Variants in RSPH14 observed in about 807,000 individuals in gnomAD.
RSPH14 encodes the protein radial spoke head 14 homolog.
In RSPH14, 20 loss-of-function variants were observed where a neutral mutation model predicts 26.7. The observed-to-expected ratio is 0.75, with a 90% CI of 0.53 to 1.09. RSPH14 has a LOEUF of 1.09. Ranked by LOEUF, RSPH14 falls within the 50% of genes least tolerant of loss-of-function variation. The pLI is 0.00. For synonymous variants in RSPH14, 177 were observed against 189.3 expected, an observed-to-expected ratio of 0.93 and a Z score of 0.53; for missense variants, 449 against 457.2, an observed-to-expected ratio of 0.98 and a Z score of 0.16.
At chr22:23,123,995 G>C (rs1165712678) in intron 4 of RSPH14, 1 of 213,388 alleles carries the variant, frequency 4.7e-6, no homozygotes, top group African/African-American at 2.4e-5. Flanking sequence ...GGGACCTTAG[G>C]AGCCGGGTGA....
At chr22:23,170,926 C>A in the RSPH14 span, among the ~76,000 whole-genome samples, 1 of 152,058 alleles carries the variant, frequency 6.6e-6, no homozygotes, top group Non-Finnish European at 1.5e-5. Flanking sequence ...GGCACAATCC[C>A]ACTACTGATT....
Position 23,063,934 on chromosome 22 carries a change from G to A in RSPH14, c.621C>T (p.Arg207=), listed in dbSNP as rs140603385. The A allele has an allele frequency of 1.9e-6, 3 of 1,614,184 alleles. No homozygotes were observed. The highest frequency in any genetic ancestry group is 1.7e-6 in the Non-Finnish European group (2 of 1,180,008). The change falls in exon 5 of 7, where the codon CGC becomes CGT. Residue 207 remains arginine (R), a synonymous_variant. Coordinates refer to ENST00000216036, the MANE Select transcript of RSPH14 (RefSeq NM_014433.3). ...TAAGGAGCGCACGGGCGGCCTTGCTGCGGATGTTCTGGTTGGCGCTGAGGA... is the reference window on the plus strand; with the variant it reads ...TAAGGAGCGCACGGGCGGCCTTGCTACGGATGTTCTGGTTGGCGCTGAGGA... The part of the protein sequence containing the change: ...QKLLSANQNI[R]SKAARALLNV...
At chr22:23,089,448 T>G (rs1194194804) in intron 4 of RSPH14, among the ~76,000 whole-genome samples, 1 of 152,112 alleles carries the variant, frequency 6.6e-6, no homozygotes, top group African/African-American at 2.4e-5. Flanking sequence ...TTGCCCCAGC[T>G]CTATGCCTAG....
the RSPH14 span, among the ~76,000 whole-genome samples, chr22:23,168,568 C>T: frequency 6.6e-6 from 1 of 152,206 alleles, no homozygotes; most frequent in Non-Finnish European, 1.5e-5. Flanking sequence ...AGTTCCCAGG[C>T]TCCTCTGCCA....
upstream of RSPH14, among the ~76,000 whole-genome samples, chr22:23,144,053 A>T (rs2070657380): frequency 7.2e-6 from 1 of 139,244 alleles, no homozygotes; most frequent in South Asian, 2.4e-4. Flanking sequence ...AGATCACACT[A>T]CTGCACTCCA....
chr22:23,116,969 C>T (rs2069858575), intron 4 of RSPH14, among the ~76,000 whole-genome samples: 1 of 152,188 alleles, frequency 6.6e-6, no homozygotes, highest in Non-Finnish European at 1.5e-5. Flanking sequence ...CCCATGAGCT[C>T]TCAGACCAGC....
At chr22:23,168,164 G>A in the RSPH14 span, among the ~76,000 whole-genome samples, 9 of 152,214 alleles carry the variant, frequency 5.9e-5, no homozygotes, top group Middle Eastern at 3.4e-3. Context: ...CAGCCCACAC[G>A]GCAGATGCCA....
the RSPH14 span, among the ~76,000 whole-genome samples, chr22:23,178,415 C>A: frequency 1.3e-3 from 165 of 128,872 alleles, no homozygotes; most frequent in Admixed American, 1.1e-3. Flanking sequence ...GACTCCGTCT[C>A]AAAAAAAAAA....
chr22:23,149,750 G>A (rs902021840), upstream of RSPH14, among the ~76,000 whole-genome samples: 3 of 152,166 alleles, frequency 2.0e-5, no homozygotes, highest in Non-Finnish European at 2.9e-5. Context: ...CACTCGTCTC[G>A]CCCTGAGAGG....
chr22:23,121,024 G>A (rs2070010551), intron 4 of RSPH14, among the ~76,000 whole-genome samples: 1 of 152,140 alleles, frequency 6.6e-6, no homozygotes, highest in Admixed American at 6.5e-5. Flanking sequence ...ATCCATTAGA[G>A]CTAATTACTC....
intron 4 of RSPH14, chr22:23,095,745 G>A (rs898310493): frequency 2.5e-6 from 4 of 1,612,502 alleles, no homozygotes; most frequent in Non-Finnish European, 2.5e-6. Context: ...CGGCGGTCCC[G>A]GAGAATTGAC....
chr22:23,163,904 C>T, the RSPH14 span: 1 of 152,260 alleles, frequency 6.6e-6, no homozygotes, highest in Non-Finnish European at 1.5e-5. Context: ...GTAGCAGCGC[C>T]CAGTTTTCAT....
chr22:23,100,286 G>A (rs1051140241), intron 4 of RSPH14, among the ~76,000 whole-genome samples: 1 of 152,232 alleles, frequency 6.6e-6, no homozygotes, highest in Admixed American at 6.5e-5. Context: ...GAGCTGGCAG[G>A]CAGCAGTTCC....
the RSPH14 span, among the ~76,000 whole-genome samples, chr22:23,175,600 C>T: frequency 4.8e-3 from 736 of 152,330 alleles, 5 homozygotes; most frequent in African/African-American, 0.017. Context: ...GGATTACAGG[C>T]GTGAGCCATA....
At chr22:23,065,153 T>C (rs1186646565) in intron 4 of RSPH14, among the ~76,000 whole-genome samples, 2 of 152,182 alleles carry the variant, frequency 1.3e-5, no homozygotes, top group Admixed American at 6.5e-5. Context: ...ATAAACAGGT[T>C]GATTAGCCTA....
chr22:23,104,715 G>A (rs999365804), intron 4 of RSPH14, among the ~76,000 whole-genome samples: 1 of 151,396 alleles, frequency 6.6e-6, no homozygotes, highest in Non-Finnish European at 1.5e-5. Context: ...GTGTAGATGG[G>A]GGGATCTGCC....
At chr22:23,066,687 C>G (rs1187277855) in intron 4 of RSPH14, among the ~76,000 whole-genome samples, 1 of 152,124 alleles carries the variant, frequency 6.6e-6, no homozygotes, top group African/African-American at 2.4e-5. Context: ...GGGGGTGGGG[C>G]ACACAGACCC....
intron 4 of RSPH14, among the ~76,000 whole-genome samples, chr22:23,069,314 C>A (rs1314396415): frequency 1.3e-5 from 2 of 152,182 alleles, no homozygotes; most frequent in Non-Finnish European, 2.9e-5. Context: ...GCTGGGAAGG[C>A]ATTTGCACTT....
chr22:23,145,196 C>A, upstream of RSPH14: 2 of 651,724 alleles, frequency 3.1e-6, no homozygotes, highest in Non-Finnish European at 5.3e-6. Context: ...AATCTCTCCA[C>A]GGTCAGCCCC....
Sources: allele counts gnomAD v4.1 joint callset (sites outside exome capture counted in the v4.1 genomes callset), GRCh38; gene constraint gnomAD v4.1.1; transcripts MANE v1.5; gene names NCBI Gene and HGNC (gene_info 2026-07-23, HGNC 2026-07-21).